The following XG variants were observed in gnomAD, a reference collection of about 807,000 sequenced individuals.
XG encodes glycoprotein Xg.
In XG, 24 loss-of-function variants were observed where a neutral mutation model predicts 25.7. The ratio of observed to expected loss-of-function variants is 0.93; its 90% CI spans 0.68 to 1.31. The LOEUF is 1.31. Ranked by LOEUF, XG falls within the 40% of genes most tolerant of loss-of-function variation. XG has a pLI of 0.00. For synonymous variants in XG, 77 were observed against 69.2 expected, an observed-to-expected ratio of 1.11 and a Z score of -0.56; for missense variants, 181 against 187.6, an observed-to-expected ratio of 0.96 and a Z score of 0.21.
At chrX:2,806,553 C>T (rs2086999752) in intron 7 of XG, 148 bp from the exon 8 acceptor site, 4 of 494,928 alleles carry the variant, frequency 8.1e-6, no homozygotes, top group Non-Finnish European at 3.3e-6. Context: ...GGCGCCTGTG[C>T]ACCTTCCCTG....
rs763512776 is a variant in XG, at chrX:2,766,301, C to T, written c.62-4249C>T. 2.0e-5 allele frequency among the ~76,000 whole-genome samples: 3 copies of T among 152,188 alleles called. No homozygotes were observed. The South Asian group carries it at 6.2e-4, about 32-fold the overall frequency. On this transcript the variant is annotated intron_variant, in intron 1 of 10. Coordinates refer to ENST00000644266, the MANE Select transcript of XG (RefSeq NM_001141919.2). The stretch of plus-strand genomic sequence containing the variant: ...GATTACAGGCACGCACCACCACGCT[C>T]AGCTAAGTTTTGTATTTTTAGTAGA...
intron 4 of XG, among the ~76,000 whole-genome samples, chrX:2,785,037 G>C (rs1708838464): frequency 8.9e-6 from 1 of 112,134 alleles, no homozygotes; most frequent in South Asian, 3.7e-4. Context: ...AGGGAGACAG[G>C]AGATATCAAT....
intron 1 of XG, among the ~76,000 whole-genome samples, chrX:2,763,484 A>AG (rs932102469): frequency 6.1e-5 from 6 of 97,774 alleles, no homozygotes; most frequent in Admixed American, 1.1e-4. Context: ...TGGCGGTGGG[A>AG]GGGGGGTGGA....
At chrX:2,784,438 T>C (rs1357373144) in intron 4 of XG, among the ~76,000 whole-genome samples, 1 of 109,492 alleles carries the variant, frequency 9.1e-6, no homozygotes, top group African/African-American at 3.3e-5. Context: ...CAAAAATTAG[T>C]CGTGGCCTGT....
At chrX:2,784,687 C>T (rs1225982786) in intron 4 of XG, among the ~76,000 whole-genome samples, 1 of 111,566 alleles carries the variant, frequency 9.0e-6, no homozygotes, top group African/African-American at 3.3e-5. Context: ...TTCATGAACC[C>T]CAATAGGAGG....
At chrX:2,769,861 G>A (rs901735089) in intron 1 of XG, among the ~76,000 whole-genome samples, 1 of 152,166 alleles carries the variant, frequency 6.6e-6, no homozygotes, top group African/African-American at 2.4e-5. Flanking sequence ...AGCCCCCAAA[G>A]AATTAAAAGT....
chrX:2,773,918 T>G lies in XG; in HGVS notation c.104-798T>G, dbSNP rs2050911146. 2.0e-5 allele frequency among the ~76,000 whole-genome samples: 3 copies of G among 151,982 alleles called. No homozygotes were observed. The South Asian group carries it at 6.2e-4, about 32-fold the overall frequency. ...AGAAAAGGTGATGAGAAACCTTCTA[T>G]TAAAATACAGGACATGCGAAACCAT... On this transcript the variant is annotated intron_variant, in intron 2 of 10. Coordinates refer to ENST00000644266, the MANE Select transcript of XG (RefSeq NM_001141919.2).
chrX:2,808,220 G>C lies in XG; in HGVS notation c.454G>C (p.Gly152Arg), dbSNP rs2087022747. The change falls in exon 9 of 11, where the codon GGC becomes CGC. Residue 152 changes from glycine to arginine, a missense_variant and splice_region_variant. Gly to Arg is a moderately radical substitution (Grantham distance 125, BLOSUM62 -2). Transcript: ENST00000644266. ...DHHSTYGNPE[G>R]NMVAKIVSPI... Reference sequence around the variant, plus strand: ...CCATTCAACGTATGGCAATCCAGAAGGTAACTGATTGACTCACCCGGTCCC... The same window carrying C: ...CCATTCAACGTATGGCAATCCAGAACGTAACTGATTGACTCACCCGGTCCC... The C allele has an allele frequency of 2.5e-6, 3 of 1,209,164 alleles. No homozygotes were observed. The highest frequency in any genetic ancestry group is 3.4e-6 in the Non-Finnish European group (3 of 894,901).
chrX:2,797,441 C>A, intron 7 of XG, 81 bp downstream of exon 7: 1 of 1,065,096 alleles, frequency 9.4e-7, no homozygotes, highest in Non-Finnish European at 1.3e-6. Flanking sequence ...GCACTCTGCC[C>A]TGGGCCTTCT....
intron 1 of XG, among the ~76,000 whole-genome samples, chrX:2,763,461 T>TC (rs1178988462): frequency 7.3e-6 from 1 of 137,696 alleles, no homozygotes; most frequent in Non-Finnish European, 1.6e-5. Flanking sequence ...CTAAATTCCT[T>TC]CCCTGGGGCA....
intron 1 of XG, among the ~76,000 whole-genome samples, chrX:2,766,704 A>G (rs2050703081): frequency 6.6e-6 from 1 of 150,394 alleles, no homozygotes; most frequent in Non-Finnish European, 1.5e-5. Context: ...AGCTGGGACT[A>G]CAGGCGCCCG....
In XG at chrX:2,760,226, C is replaced by T. The variant is rs747180987; in HGVS notation, c.61+7891C>T. ...AGTATTATTGAGAGCGTAGGCCAGG[C>T]GCGTGATGTTGCTGAGATGAAACTG... On this transcript the variant is annotated intron_variant, in intron 1 of 10. Coordinates refer to ENST00000644266, the MANE Select transcript of XG (RefSeq NM_001141919.2). Among the ~76,000 whole-genome samples, 11 of 151,976 alleles carry T rather than the reference C, an allele frequency of 7.2e-5. No individual in the cohort carries two copies. The South Asian group carries it at 1.9e-3, about 26-fold the overall frequency.
At chrX:2,813,048 G>T (rs2087073055) in intron 10 of XG, among the ~76,000 whole-genome samples, 1 of 112,261 alleles carries the variant, frequency 8.9e-6, no homozygotes, top group South Asian at 3.7e-4. Context: ...TTAAAAACGT[G>T]GATGATGCCT....
At chrX:2,756,339 A>C (rs1327015931) in intron 1 of XG, among the ~76,000 whole-genome samples, 1 of 152,164 alleles carries the variant, frequency 6.6e-6, no homozygotes, top group Non-Finnish European at 1.5e-5. Context: ...GGGGAAAAAA[A>C]AGAAAATGAC....
At chrX:2,804,365 T>G (rs2086973414) in intron 7 of XG, among the ~76,000 whole-genome samples, 1 of 112,136 alleles carries the variant, frequency 8.9e-6, no homozygotes, top group Admixed American at 9.4e-5. Flanking sequence ...AGGTCTGGCC[T>G]CTTTCACTGT....
chrX:2,804,583 C>T (rs1603457907), intron 7 of XG, among the ~76,000 whole-genome samples: 1 of 111,523 alleles, frequency 9.0e-6, no homozygotes, highest in South Asian at 3.8e-4. Flanking sequence ...AGCCTTTTCA[C>T]CCCATGCACG....
intron 1 of XG, among the ~76,000 whole-genome samples, chrX:2,753,419 C>T (rs2050372955): frequency 6.6e-6 from 1 of 152,134 alleles, no homozygotes; most frequent in African/African-American, 2.4e-5. Context: ...AACCATATCC[C>T]CTTGGGCAAA....
intron 1 of XG, among the ~76,000 whole-genome samples, chrX:2,754,784 C>G (rs1294799772): frequency 1.3e-5 from 2 of 152,156 alleles, no homozygotes; most frequent in African/African-American, 4.8e-5. Flanking sequence ...ATATTCTAGC[C>G]ACAGCGGCAG....
intron 7 of XG, among the ~76,000 whole-genome samples, chrX:2,801,492 T>G (rs1335795712): frequency 2.7e-5 from 3 of 110,902 alleles, no homozygotes; most frequent in Non-Finnish European, 5.7e-5. Context: ...ACATAGTGCG[T>G]GGGGAAGGCT....
Sources: gnomAD v4.1 joint callset for allele counts (sites outside exome capture counted in the v4.1 genomes callset) on GRCh38, gnomAD v4.1.1 for gene constraint, MANE v1.5 for transcripts, NCBI Gene and HGNC (gene_info 2026-07-23, HGNC 2026-07-21) for gene names.